MARCHF1: variants seen among roughly 807,000 people sequenced by gnomAD.
MARCHF1 encodes the protein E3 ubiquitin-protein ligase MARCHF1.
In MARCHF1, 40 loss-of-function variants were observed where a neutral mutation model predicts 54.2. That is an observed-to-expected ratio of 0.74 (90% CI 0.57 to 0.96). The LOEUF is 0.96. Ranked by LOEUF, MARCHF1 falls within the 40% of genes least tolerant of loss-of-function variation. The pLI is 0.00. For missense variants in MARCHF1, 586 were observed against 656.5 expected (o/e 0.89, Z 1.17); for synonymous variants, 236 against 236.3 (o/e 1.00, Z 0.01).
chr4:163,890,780 A>T (rs1282874447), intron 3 of MARCHF1, among the ~76,000 whole-genome samples: 1 of 152,082 alleles, frequency 6.6e-6, no homozygotes, highest in Non-Finnish European at 1.5e-5. Flanking sequence ...AAGTGCTGGG[A>T]TTATAGGTTT....
intron 1 of MARCHF1, among the ~76,000 whole-genome samples, chr4:164,288,571 C>T (rs1734207638): frequency 6.6e-6 from 1 of 151,966 alleles, no homozygotes; most frequent in Non-Finnish European, 1.5e-5. Flanking sequence ...TAAAGAAAAA[C>T]TAATTGTGAG....
At chr4:164,098,143 T>C (rs1396523316) in intron 2 of MARCHF1, among the ~76,000 whole-genome samples, 1 of 152,208 alleles carries the variant, frequency 6.6e-6, no homozygotes, top group Non-Finnish European at 1.5e-5. Context: ...CCACTTGCTC[T>C]TTCCCGCTTC....
rs539868861 is a variant in MARCHF1 at position 163,580,798 on chromosome 4, GTTT to G, written c.1191+4948_1191+4950del. ...AGGAATGATTTAAGTAAGTATTAAAGTTTTTTTTTTTTTTTGAGACGGAGTCTC... is the reference window on the plus strand; with the variant it reads ...AGGAATGATTTAAGTAAGTATTAAAGTTTTTTTTTTTTGAGACGGAGTCTC... On this transcript the variant is annotated intron_variant, in intron 8 of 9. Transcript: ENST00000514618. Among the ~76,000 whole-genome samples, 2 of 105,336 alleles carry G rather than the reference GTTT, an allele frequency of 1.9e-5. 1 individual carries two copies. Among genetic ancestry groups the G allele is most frequent in the Non-Finnish European group, 4.0e-5 (2 of 49,776 alleles). The allele number at this position is 105,336 out of a possible 152,430, so 69.1% of individuals were successfully genotyped here.
intron 4 of MARCHF1, among the ~76,000 whole-genome samples, chr4:163,769,784 A>G (rs950279402): frequency 2.0e-5 from 3 of 152,158 alleles, no homozygotes; most frequent in African/African-American, 7.2e-5. Context: ...AGAATGGCAT[A>G]TACAATACAA....
At chr4:163,937,081 C>A (rs529894911) in intron 3 of MARCHF1, among the ~76,000 whole-genome samples, 7 of 152,226 alleles carry the variant, frequency 4.6e-5, no homozygotes, top group Admixed American at 4.6e-4. Context: ...TCTAATTGAC[C>A]ATAATTTATA....
At chr4:164,185,814 A>C (rs139346493) in intron 1 of MARCHF1, among the ~76,000 whole-genome samples, 63,617 of 127,488 alleles carry the variant, frequency 0.5, 14,065 homozygotes, top group South Asian at 0.54. Context: ...ACACACAAAA[A>C]AAAAAACATT....
chr4:163,638,806 T>C (rs1742446115), intron 5 of MARCHF1, among the ~76,000 whole-genome samples: 1 of 152,202 alleles, frequency 6.6e-6, no homozygotes, highest in South Asian at 2.1e-4. Flanking sequence ...ATAAGGTATG[T>C]ATACGTATAT....
intron 1 of MARCHF1, among the ~76,000 whole-genome samples, chr4:164,182,146 T>C (rs1329218996): frequency 6.6e-6 from 1 of 152,138 alleles, no homozygotes; most frequent in African/African-American, 2.4e-5. Flanking sequence ...AGGTTTTTCC[T>C]AAAGACATTA....
chr4:163,832,582 A>ATATTAT (rs5863633), intron 4 of MARCHF1, among the ~76,000 whole-genome samples: 62,033 of 147,412 alleles, frequency 0.42, 13,589 homozygotes, highest in East Asian at 0.81. Context: ...TGGATCCAAA[A>ATATTAT]TATTATTATT....
intron 8 of MARCHF1, among the ~76,000 whole-genome samples, chr4:163,560,427 A>T (rs1158844109): frequency 6.6e-6 from 1 of 152,158 alleles, no homozygotes; most frequent in Non-Finnish European, 1.5e-5. Context: ...TGACTTTGGT[A>T]GCTGTATAAT....
At chr4:163,770,018 A>G (rs1747108647) in intron 4 of MARCHF1, among the ~76,000 whole-genome samples, 1 of 152,164 alleles carries the variant, frequency 6.6e-6, no homozygotes, top group African/African-American at 2.4e-5. Context: ...ATTCACTTCC[A>G]TTTAATGAAC....
intron 4 of MARCHF1, among the ~76,000 whole-genome samples, chr4:163,749,897 G>C (rs1391863391): frequency 7.0e-6 from 1 of 143,762 alleles, no homozygotes; most frequent in Admixed American, 7.1e-5. Context: ...CCCTATCTTT[G>C]TTAAAAAAAA....
chr4:163,539,025 A>G (rs887109466), intron 9 of MARCHF1, among the ~76,000 whole-genome samples: 2 of 151,422 alleles, frequency 1.3e-5, no homozygotes, highest in Admixed American at 1.3e-4. Flanking sequence ...TTATTTATTT[A>G]TTTATTTATT....
At chr4:163,554,658 G>A (rs947844064) in intron 8 of MARCHF1, among the ~76,000 whole-genome samples, 5 of 152,172 alleles carry the variant, frequency 3.3e-5, no homozygotes, top group Non-Finnish European at 7.3e-5. Context: ...GATGACAACA[G>A]TGTCTCTTGT....
At chr4:163,733,225 GTGTA>G (rs1745923100) in intron 4 of MARCHF1, among the ~76,000 whole-genome samples, 2 of 13,020 alleles carry the variant, frequency 1.5e-4, no homozygotes, top group African/African-American at 3.9e-4. Context: ...ATATATACAC[GTGTA>G]TATATATATA....
At position 164,118,248 on chromosome 4, in the gene MARCHF1, C is replaced by T. The variant is rs1056655846; in HGVS notation, c.-322-6586G>A. On this transcript the variant is annotated intron_variant, in intron 1 of 9. Coordinates refer to ENST00000514618, the MANE Select transcript of MARCHF1 (RefSeq NM_001394959.1). ...ACTTGTACTTTGGAAAACAGTAAAC[C>T]CCAAGACAGAACTTAATATTCTATT... Among the ~76,000 whole-genome samples the T allele has an allele frequency of 9.3e-5, 14 of 151,052 alleles. No homozygotes were observed. The East Asian group carries it at 2.5e-3, about 27-fold the overall frequency.
intron 3 of MARCHF1, among the ~76,000 whole-genome samples, chr4:163,873,664 T>C (rs150397360): frequency 0.011 from 1,705 of 152,250 alleles, 19 homozygotes; most frequent in Non-Finnish European, 0.019. Context: ...TGTGGAAAAC[T>C]AAGATCAGTG....
At chr4:163,856,443 A>C (rs1024844318) in intron 3 of MARCHF1, among the ~76,000 whole-genome samples, 5 of 152,190 alleles carry the variant, frequency 3.3e-5, no homozygotes, top group African/African-American at 1.2e-4. Flanking sequence ...ATTTAGTTTG[A>C]ACTTATTGGA....
chr4:163,945,434 T>C (rs1301252721), intron 3 of MARCHF1, among the ~76,000 whole-genome samples: 1 of 152,182 alleles, frequency 6.6e-6, no homozygotes, highest in Admixed American at 6.5e-5. Context: ...CAGCTGCAAG[T>C]AGAGTAATTT....
Sources: allele counts gnomAD v4.1 joint callset (sites outside exome capture counted in the v4.1 genomes callset), GRCh38; gene constraint gnomAD v4.1.1; transcripts MANE v1.5; gene names NCBI Gene and HGNC (gene_info 2026-07-23, HGNC 2026-07-21).